Variants in BFSP1 observed in about 807,000 individuals in gnomAD.
The protein encoded by BFSP1 is beaded filament structural protein 1, also known as filensin.
Under a neutral mutation model 43.9 loss-of-function variants are expected in BFSP1, and 38 were observed. The ratio of observed to expected loss-of-function variants is 0.87; its 90% confidence interval spans 0.67 to 1.14. BFSP1 has a LOEUF of 1.14. Ranked by LOEUF, BFSP1 falls within the 50% of genes most tolerant of loss-of-function variation. BFSP1 has a pLI of 0.00. For missense variants in BFSP1, 850 were observed against 875.1 expected (o/e 0.97, Z 0.36); for synonymous variants, 352 against 354.8 (o/e 0.99, Z 0.09).
chr20:17,497,481 CGT>C (rs1221100266), intron 6 of BFSP1, among the ~76,000 whole-genome samples: 5 of 92,218 alleles, frequency 5.4e-5, no homozygotes, highest in East Asian at 3.3e-4. Context: ...CGTATATATA[CGT>C]GTGTATATAT....
intron 2 of BFSP1, among the ~76,000 whole-genome samples, chr20:17,520,666 C>T (rs963622735): frequency 2.6e-5 from 4 of 152,218 alleles, no homozygotes; most frequent in African/African-American, 7.2e-5. Context: ...TTTGCTGTCT[C>T]TCCCTTTGCA....
At chr20:17,553,918 T>G (rs1007100376) in intron 1 of BFSP1, among the ~76,000 whole-genome samples, 1 of 143,844 alleles carries the variant, frequency 7.0e-6, no homozygotes, top group African/African-American at 2.6e-5. Flanking sequence ...CAAGTCTGAG[T>G]AAATACAAGA....
chr20:17,553,844 TATATACATATATATACAC>T (rs1230746992), intron 1 of BFSP1, among the ~76,000 whole-genome samples: 6 of 87,648 alleles, frequency 6.8e-5, no homozygotes, highest in African/African-American at 4.0e-4. Context: ...TATACACATA[TATATACATATATATACAC>T]ATATATATAC....
intron 1 of BFSP1, among the ~76,000 whole-genome samples, chr20:17,557,238 C>G (rs1357052713): frequency 6.6e-6 from 1 of 152,230 alleles, no homozygotes; most frequent in Non-Finnish European, 1.5e-5. Flanking sequence ...TACCAGGTCC[C>G]ACGTCAATCT....
intron 5 of BFSP1, among the ~76,000 whole-genome samples, chr20:17,505,404 A>C (rs1186035233): frequency 1.3e-5 from 2 of 152,162 alleles, no homozygotes; most frequent in Non-Finnish European, 2.9e-5. Context: ...CGCTGCTGGG[A>C]CGGGGACCTC....
chr20:17,519,715 T>G (rs1028187997), intron 2 of BFSP1, among the ~76,000 whole-genome samples: 10 of 152,284 alleles, frequency 6.6e-5, no homozygotes, highest in Non-Finnish European at 1.3e-4. Context: ...AAAAGGCCAG[T>G]CAATATGTAT....
At chr20:17,566,331 C>A (rs1021547861) in intron 1 of BFSP1, among the ~76,000 whole-genome samples, 1 of 151,998 alleles carries the variant, frequency 6.6e-6, no homozygotes, top group Non-Finnish European at 1.5e-5. Context: ...TCTTCCCTGC[C>A]GCTTATATTA....
chr20:17,499,102 AC>A, intron 5 of BFSP1, 62 bp from the exon 6 acceptor site: 2 of 1,493,254 alleles, frequency 1.3e-6, no homozygotes, highest in Non-Finnish European at 1.9e-6. Context: ...GACAGACCTC[AC>A]CAGGAAAAGG....
intron 1 of BFSP1, among the ~76,000 whole-genome samples, chr20:17,540,058 CT>C (rs1274544915): frequency 1.3e-5 from 2 of 152,174 alleles, no homozygotes; most frequent in Admixed American, 6.5e-5. Context: ...CCCCTCAGAC[CT>C]AAACTCCACA....
intron 1 of BFSP1, among the ~76,000 whole-genome samples, chr20:17,565,214 G>T (rs2035106372): frequency 6.6e-6 from 1 of 152,130 alleles, no homozygotes; most frequent in Non-Finnish European, 1.5e-5. Context: ...TCAGTGGAGA[G>T]TAAGTAGATG....
At chr20:17,504,146 T>C (rs1161462784) in intron 5 of BFSP1, among the ~76,000 whole-genome samples, 1 of 152,146 alleles carries the variant, frequency 6.6e-6, no homozygotes, top group Non-Finnish European at 1.5e-5. Flanking sequence ...GAGGAGCTCC[T>C]GTCCTGGGCG....
intron 2 of BFSP1, among the ~76,000 whole-genome samples, chr20:17,521,578 C>G (rs1450773860): frequency 1.3e-5 from 2 of 152,204 alleles, no homozygotes; most frequent in Non-Finnish European, 2.9e-5. Flanking sequence ...ACTCACACGA[C>G]CAGCTGATGC....
intron 1 of BFSP1, among the ~76,000 whole-genome samples, chr20:17,556,677 T>C (rs2034995923): frequency 6.6e-6 from 1 of 151,766 alleles, no homozygotes; most frequent in African/African-American, 2.4e-5. Flanking sequence ...AGGGAAAGAA[T>C]TGCAGGGGAG....
At chr20:17,533,474 G>GCT (rs2034580820), upstream of BFSP1, among the ~76,000 whole-genome samples, 1 of 150,918 alleles carries the variant, frequency 6.6e-6, no homozygotes, top group Non-Finnish European at 1.5e-5. Flanking sequence ...TCCAGCTGTA[G>GCT]GTCTCCTTTC....
chr20:17,513,205 GCT>G (rs2123490886), intron 3 of BFSP1, among the ~76,000 whole-genome samples: 1 of 152,286 alleles, frequency 6.6e-6, no homozygotes, highest in East Asian at 1.9e-4. Context: ...ACAAGTCCTT[GCT>G]CTGCTCCCTG....
At chr20:17,496,174 G>T (rs2033627569) in intron 7 of BFSP1, among the ~76,000 whole-genome samples, 1 of 152,234 alleles carries the variant, frequency 6.6e-6, no homozygotes, top group Non-Finnish European at 1.5e-5. Context: ...CCGCTCGTCT[G>T]CAGACCTGGC....
intron 1 of BFSP1, among the ~76,000 whole-genome samples, chr20:17,566,463 G>A (rs1408809183): frequency 1.3e-5 from 2 of 152,138 alleles, no homozygotes. Flanking sequence ...AGTCTGTTCA[G>A]GCTGCTATAG....
At chr20:17,542,207 C>T (rs1568711686) in intron 1 of BFSP1, among the ~76,000 whole-genome samples, 1 of 152,024 alleles carries the variant, frequency 6.6e-6, no homozygotes, top group Non-Finnish European at 1.5e-5. Context: ...CTGGTTGACA[C>T]CTCATCGGTA....
upstream of BFSP1, among the ~76,000 whole-genome samples, chr20:17,533,256 C>T (rs2034576940): frequency 6.6e-6 from 1 of 151,808 alleles, no homozygotes; most frequent in Non-Finnish European, 1.5e-5. Context: ...TTGAGGATAA[C>T]CACATGAATA....
Sources: allele counts gnomAD v4.1 joint callset (sites outside exome capture counted in the v4.1 genomes callset), GRCh38; gene constraint gnomAD v4.1.1; transcripts MANE v1.5; gene names NCBI Gene and HGNC (gene_info 2026-07-23, HGNC 2026-07-21).